Variants in GHR observed in about 807,000 individuals in gnomAD.
GHR encodes growth hormone receptor.
Under a neutral mutation model 67.1 loss-of-function variants are expected in GHR, and 35 were observed. The ratio of observed to expected loss-of-function variants is 0.52; its 90% CI spans 0.40 to 0.69. The LOEUF (loss-of-function observed/expected upper bound fraction) is 0.69, where lower values mean the gene tolerates loss of function less well. Among genes scored for constraint, GHR ranks in the 30% least tolerant of loss-of-function variants. GHR has a pLI of 0.00. For missense variants in GHR, 792 were observed against 764.6 expected (o/e 1.04, Z -0.42); for synonymous variants, 272 against 269.1 (o/e 1.01, Z -0.10).
At chr5:42,455,000 T>C (rs1561312769) in intron 1 of GHR, among the ~76,000 whole-genome samples, 1 of 152,170 alleles carries the variant, frequency 6.6e-6, no homozygotes, top group Non-Finnish European at 1.5e-5. Flanking sequence ...TGAGGGCCCC[T>C]GTGAGATATA....
intron 1 of GHR, among the ~76,000 whole-genome samples, chr5:42,453,517 C>T (rs2112011774): frequency 6.6e-6 from 1 of 152,318 alleles, no homozygotes; most frequent in Middle Eastern, 3.4e-3. Context: ...GTGGGAGCTT[C>T]CTCAGCTCCC....
intron 3 of GHR, among the ~76,000 whole-genome samples, chr5:42,671,763 C>T (rs1286496760): frequency 4.6e-5 from 7 of 151,510 alleles, no homozygotes; most frequent in African/African-American, 9.7e-5. Flanking sequence ...GAGACCATCC[C>T]GGCTAAAACG....
intron 3 of GHR, among the ~76,000 whole-genome samples, chr5:42,655,428 A>T (rs67846731): frequency 6.6e-5 from 10 of 152,072 alleles, no homozygotes; most frequent in Non-Finnish European, 8.8e-5. Context: ...ATGGAACAGA[A>T]AGTGTTTGAA....
At chr5:42,678,295 C>G (rs778201961) in intron 3 of GHR, among the ~76,000 whole-genome samples, 1 of 152,156 alleles carries the variant, frequency 6.6e-6, no homozygotes, top group Non-Finnish European at 1.5e-5. Flanking sequence ...ATTGTCATGG[C>G]AACTCTCAAG....
intron 2 of GHR, among the ~76,000 whole-genome samples, chr5:42,594,568 G>C (rs987723685): frequency 9.2e-5 from 14 of 152,174 alleles, no homozygotes; most frequent in African/African-American, 3.4e-4. Flanking sequence ...CCTAGCCACT[G>C]ATATAGCAGT....
intron 8 of GHR, chr5:42,714,147 ATCTGCCCACC>A (rs1758606152): frequency 1.3e-5 from 2 of 152,840 alleles, no homozygotes; most frequent in South Asian, 4.1e-4. Context: ...ACCTCAGGTG[ATCTGCCCACC>A]TCAGCCTCCC....
At chr5:42,575,837 C>T (rs542636799) in intron 2 of GHR, among the ~76,000 whole-genome samples, 106 of 151,304 alleles carry the variant, frequency 7.0e-4, no homozygotes, top group African/African-American at 2.4e-3. Context: ...AGTTTGAGAC[C>T]AGCCTGGCCA....
intron 2 of GHR, among the ~76,000 whole-genome samples, chr5:42,618,737 T>C (rs922439039): frequency 1.3e-5 from 2 of 152,156 alleles, no homozygotes; most frequent in African/African-American, 4.8e-5. Context: ...ATTTCATTTT[T>C]TTGAAATATT....
intron 1 of GHR, among the ~76,000 whole-genome samples, chr5:42,493,702 C>G (rs1052484107): frequency 2.0e-5 from 3 of 152,006 alleles, no homozygotes; most frequent in Admixed American, 2.0e-4. Flanking sequence ...ATACATATGC[C>G]CAATCACAAG....
chr5:42,485,695 A>G (rs923815073), intron 1 of GHR, among the ~76,000 whole-genome samples: 11 of 152,220 alleles, frequency 7.2e-5, no homozygotes, highest in African/African-American at 2.7e-4. Flanking sequence ...ATTTTAATCA[A>G]ACTGTCATTC....
intron 1 of GHR, among the ~76,000 whole-genome samples, chr5:42,444,183 C>T (rs1743713216): frequency 6.6e-6 from 1 of 152,092 alleles, no homozygotes; most frequent in African/African-American, 2.4e-5. Context: ...AGAAATTATA[C>T]TACAAGTTTG....
chr5:42,475,588 A>G (rs543282811), intron 1 of GHR, among the ~76,000 whole-genome samples: 1 of 145,224 alleles, frequency 6.9e-6, no homozygotes, highest in Admixed American at 6.9e-5. Flanking sequence ...GTAATTATGT[A>G]TTTTTTTTTT....
At chr5:42,528,033 T>C (rs532357668) in intron 1 of GHR, among the ~76,000 whole-genome samples, 5 of 152,078 alleles carry the variant, frequency 3.3e-5, no homozygotes, top group African/African-American at 1.2e-4. Flanking sequence ...TTAGTCCTCA[T>C]TGAGAAAGCA....
intron 3 of GHR, among the ~76,000 whole-genome samples, chr5:42,656,579 A>G (rs1196194963): frequency 1.3e-5 from 2 of 152,172 alleles, no homozygotes; most frequent in African/African-American, 2.4e-5. Flanking sequence ...TCTTGAAAAT[A>G]TATATTGTAT....
chr5:42,498,282 T>G (rs1299344960), intron 1 of GHR, among the ~76,000 whole-genome samples: 1 of 152,206 alleles, frequency 6.6e-6, no homozygotes, highest in Non-Finnish European at 1.5e-5. Context: ...GCTTTGAAAG[T>G]GCTAGCTAGC....
intron 3 of GHR, among the ~76,000 whole-genome samples, chr5:42,637,488 T>C (rs1250446509): frequency 7.2e-5 from 11 of 152,174 alleles, no homozygotes; most frequent in Non-Finnish European, 4.4e-5. Context: ...CTGTGTCTAC[T>C]GTTGCCATCT....
chr5:42,567,493 G>A (rs925716090), intron 2 of GHR, among the ~76,000 whole-genome samples: 14 of 151,998 alleles, frequency 9.2e-5, no homozygotes, highest in African/African-American at 3.4e-4. Flanking sequence ...ATTTGTTCAG[G>A]GAGAGCAGAA....
intron 3 of GHR, among the ~76,000 whole-genome samples, chr5:42,682,242 G>C (rs1756921007): frequency 1.3e-5 from 2 of 152,204 alleles, no homozygotes; most frequent in African/African-American, 4.8e-5. Context: ...TAGGGGCAAA[G>C]TTAGGCTCTC....
At chr5:42,689,216 T>G (rs553505537) in intron 4 of GHR, among the ~76,000 whole-genome samples, 197 bp downstream of exon 4, 2 of 152,208 alleles carry the variant, frequency 1.3e-5, no homozygotes, top group Non-Finnish European at 1.5e-5. Context: ...CCTGGAGATA[T>G]AGCAGTGATT....
Sources: gnomAD v4.1 joint callset for allele counts (sites outside exome capture counted in the v4.1 genomes callset) on GRCh38, gnomAD v4.1.1 for gene constraint, MANE v1.5 for transcripts, NCBI Gene and HGNC (gene_info 2026-07-23, HGNC 2026-07-21) for gene names.